The following PTPRM variants were observed in gnomAD, a reference collection of about 807,000 sequenced individuals.
The protein encoded by PTPRM is protein tyrosine phosphatase receptor type M, also known as receptor-type tyrosine-protein phosphatase mu.
PTPRM carries 47 observed loss-of-function variants against 186.7 expected under a neutral mutation model. The ratio of observed to expected loss-of-function variants is 0.25; its 90% CI spans 0.20 to 0.32. PTPRM has a LOEUF of 0.32. Among genes scored for constraint, PTPRM ranks in the 10% least tolerant of loss-of-function variants. The pLI is 1.00. For missense variants in PTPRM, 1,494 were observed against 1,865.0 expected (o/e 0.80, Z 3.66); for synonymous variants, 668 against 674.9 (o/e 0.99, Z 0.16).
chr18:8,167,530 A>C (rs530574486), intron 14 of PTPRM, among the ~76,000 whole-genome samples: 3 of 152,324 alleles, frequency 2.0e-5, no homozygotes, highest in African/African-American at 7.2e-5. Context: ...TTAGATTCTG[A>C]GAGAAGCAAA....
At chr18:8,369,218 A>G (rs368968190) in intron 23 of PTPRM, among the ~76,000 whole-genome samples, 1 of 152,216 alleles carries the variant, frequency 6.6e-6, no homozygotes, top group Non-Finnish European at 1.5e-5. Context: ...AAGGCTGGAA[A>G]TGCTGGTTGG....
chr18:7,975,658 C>A (rs745512698), intron 7 of PTPRM, among the ~76,000 whole-genome samples: 1 of 152,142 alleles, frequency 6.6e-6, no homozygotes, highest in Non-Finnish European at 1.5e-5. Flanking sequence ...ATAGCTAATG[C>A]ATTACCTTTT....
chr18:8,079,772 T>G (rs2090028251), intron 9 of PTPRM, among the ~76,000 whole-genome samples: 1 of 152,006 alleles, frequency 6.6e-6, no homozygotes, highest in South Asian at 2.1e-4. Flanking sequence ...AAATAAAGAT[T>G]GACAGATTTG....
At chr18:8,205,952 C>T (rs971095247) in intron 14 of PTPRM, among the ~76,000 whole-genome samples, 1 of 151,956 alleles carries the variant, frequency 6.6e-6, no homozygotes, top group African/African-American at 2.4e-5. Flanking sequence ...TTGGTGGCAG[C>T]GTGTGAGGTC....
At chr18:7,773,570 G>GTTTTTTTTTTTTTTTT (rs10708698) in intron 1 of PTPRM, among the ~76,000 whole-genome samples, 55 of 129,084 alleles carry the variant, frequency 4.3e-4, no homozygotes, top group Non-Finnish European at 7.4e-4. Flanking sequence ...TCTTTTCTTT[G>GTTTTTTTTTTTTTTTT]TTTTTTTTTT....
chr18:7,675,093 A>G lies in PTPRM; in HGVS notation c.74-99056A>G, dbSNP rs148238690. On this transcript the variant is annotated intron_variant, in intron 1 of 32. Transcript: ENST00000580170. Reference sequence around the variant, plus strand: ...TTACCCAAGCTGTATCTTGAAATACAGTTTGAATCAACTTGGAAGAAAACC... The same window carrying G: ...TTACCCAAGCTGTATCTTGAAATACGGTTTGAATCAACTTGGAAGAAAACC... Among the ~76,000 whole-genome samples, 30 of 152,378 alleles carry G rather than the reference A, an allele frequency of 2.0e-4. 1 individual carries two copies. The East Asian group carries it at 5.4e-3, about 27-fold the overall frequency.
chr18:7,755,489 C>T (rs1158590287), intron 1 of PTPRM, among the ~76,000 whole-genome samples: 1 of 152,080 alleles, frequency 6.6e-6, no homozygotes, highest in African/African-American at 2.4e-5. Context: ...ATGTGTGGCC[C>T]ATGTGGAAGA....
chr18:8,352,210 G>A (rs969946538), intron 23 of PTPRM, among the ~76,000 whole-genome samples: 1 of 152,150 alleles, frequency 6.6e-6, no homozygotes, highest in African/African-American at 2.4e-5. Context: ...ACCAACAAAG[G>A]GACTCATTCT....
At chr18:7,979,226 T>A (rs1682848181) in intron 7 of PTPRM, among the ~76,000 whole-genome samples, 1 of 152,166 alleles carries the variant, frequency 6.6e-6, no homozygotes, top group Admixed American at 6.5e-5. Context: ...CCTGTCTAAG[T>A]ATATAAAAAA....
chr18:7,729,333 G>A (rs1009721241), intron 1 of PTPRM, among the ~76,000 whole-genome samples: 2 of 152,122 alleles, frequency 1.3e-5, no homozygotes, highest in African/African-American at 4.8e-5. Flanking sequence ...TGGCACAGGT[G>A]TTGTGTGACC....
intron 1 of PTPRM, among the ~76,000 whole-genome samples, chr18:7,688,018 C>T (rs147154506): frequency 3.7e-4 from 56 of 152,080 alleles, no homozygotes; most frequent in Admixed American, 2.4e-3. Context: ...CTTTGTGATC[C>T]GCCCGTCTCA....
chr18:8,228,021 A>T (rs2094236223), intron 14 of PTPRM, among the ~76,000 whole-genome samples: 1 of 152,218 alleles, frequency 6.6e-6, no homozygotes, highest in South Asian at 2.1e-4. Context: ...TACATCTATT[A>T]TTTTTATGGC....
chr18:8,010,664 A>G (rs1833307705), intron 7 of PTPRM, among the ~76,000 whole-genome samples: 1 of 152,138 alleles, frequency 6.6e-6, no homozygotes. Flanking sequence ...ACTTGGTGAG[A>G]TGGAGGGAGA....
At chr18:8,055,566 A>G (rs768673633) in intron 7 of PTPRM, among the ~76,000 whole-genome samples, 1 of 152,130 alleles carries the variant, frequency 6.6e-6, no homozygotes, top group Non-Finnish European at 1.5e-5. Flanking sequence ...TACATTTTTA[A>G]TTTTAGAAGT....
chr18:8,224,143 A>G (rs1292244919), intron 14 of PTPRM, among the ~76,000 whole-genome samples: 2 of 152,214 alleles, frequency 1.3e-5, no homozygotes, highest in Non-Finnish European at 2.9e-5. Flanking sequence ...CTTTTCTACA[A>G]TGCTAATTAG....
At chr18:7,960,742 A>G (rs538009112) in intron 7 of PTPRM, among the ~76,000 whole-genome samples, 1 of 152,080 alleles carries the variant, frequency 6.6e-6, no homozygotes, top group Non-Finnish European at 1.5e-5. Flanking sequence ...TCGACAGAGT[A>G]AAACCCTGTC....
At chr18:8,184,312 T>G (rs1472697769) in intron 14 of PTPRM, among the ~76,000 whole-genome samples, 1 of 136,886 alleles carries the variant, frequency 7.3e-6, no homozygotes, top group Non-Finnish European at 1.7e-5. Flanking sequence ...TTTGATGTGT[T>G]TTATCCTGCT....
At chr18:7,787,152 C>T (rs192251061) in intron 2 of PTPRM, among the ~76,000 whole-genome samples, 49 of 152,302 alleles carry the variant, frequency 3.2e-4, no homozygotes, top group African/African-American at 1.2e-3. Context: ...ATTTTCTCCA[C>T]ACTTGATATT....
intron 1 of PTPRM, among the ~76,000 whole-genome samples, chr18:7,721,426 T>G (rs1224354103): frequency 6.6e-6 from 1 of 152,172 alleles, no homozygotes; most frequent in Non-Finnish European, 1.5e-5. Context: ...GGGTTGCCTT[T>G]TCACTTTGTT....
Sources: allele counts gnomAD v4.1 joint callset (sites outside exome capture counted in the v4.1 genomes callset), GRCh38; gene constraint gnomAD v4.1.1; transcripts MANE v1.5; gene names NCBI Gene and HGNC (gene_info 2026-07-23, HGNC 2026-07-21).